MYO3A: variants seen among roughly 807,000 people sequenced by gnomAD.
MYO3A encodes the protein myosin-IIIa.
In MYO3A, 180 loss-of-function variants were observed where a neutral mutation model predicts 192.7. The observed-to-expected ratio is 0.93, with a 90% CI of 0.83 to 1.06. The LOEUF (loss-of-function observed/expected upper bound fraction) is 1.06, where lower values mean the gene tolerates loss of function less well. Among genes scored for constraint, MYO3A ranks in the 50% least tolerant of loss-of-function variants. The pLI, the probability that MYO3A is intolerant of heterozygous loss-of-function variation, is 0.00. For missense variants in MYO3A, 1,896 were observed against 1,905.0 expected (o/e 1.00, Z 0.09); for synonymous variants, 628 against 645.3 (o/e 0.97, Z 0.41).
At chr10:26,101,504 C>T (rs1837449328) in intron 17 of MYO3A, among the ~76,000 whole-genome samples, 1 of 152,170 alleles carries the variant, frequency 6.6e-6, no homozygotes, top group Non-Finnish European at 1.5e-5. Context: ...ATGGTCTTTA[C>T]AATTTGGCAT....
chr10:26,161,221 G>A (rs769584883), intron 26 of MYO3A, among the ~76,000 whole-genome samples: 10 of 152,092 alleles, frequency 6.6e-5, no homozygotes, highest in Non-Finnish European at 1.3e-4. Context: ...GTTCTATGGG[G>A]GTGTAAATAG....
intron 34 of MYO3A, among the ~76,000 whole-genome samples, chr10:26,208,952 T>C (rs980290444): frequency 6.6e-6 from 1 of 152,216 alleles, no homozygotes; most frequent in Non-Finnish European, 1.5e-5. Context: ...CTTAAAATTA[T>C]GGCCACTCCT....
At chr10:26,044,939 C>G (rs1449525967) in intron 10 of MYO3A, among the ~76,000 whole-genome samples, 1 of 152,224 alleles carries the variant, frequency 6.6e-6, no homozygotes, top group African/African-American at 2.4e-5. Context: ...TGCAGAAGGG[C>G]ATGGCATGCC....
rs559124252 is a variant in MYO3A, at chr10:26,118,381, TATTGTTACACTTCTGAAATAC to T, written c.1777-2293_1777-2273del. Among the ~76,000 whole-genome samples, 356 of 152,324 alleles carry T rather than the reference TATTGTTACACTTCTGAAATAC, an allele frequency of 2.3e-3. 3 individuals carry two copies. Among genetic ancestry groups the T allele is most frequent in the Non-Finnish European group, 4.2e-3 (285 of 68,020 alleles). ...TCTACATCTAATATATCAGCATATGTATTGTTACACTTCTGAAATACACCCTACATCCATTTACTTCTTTCC... is the reference window on the plus strand; with the variant it reads ...TCTACATCTAATATATCAGCATATGTACCCTACATCCATTTACTTCTTTCC... On this transcript the variant is annotated intron_variant, in intron 17 of 34. Coordinates refer to ENST00000642920, the MANE Select transcript of MYO3A (RefSeq NM_017433.5).
chr10:26,052,175 T>C (rs916769699), intron 10 of MYO3A, among the ~76,000 whole-genome samples: 2 of 152,214 alleles, frequency 1.3e-5, no homozygotes, highest in Admixed American at 6.5e-5. Context: ...GGTACACAAG[T>C]ACATACATAG....
chr10:25,990,917 G>A (rs1341374148), intron 4 of MYO3A, among the ~76,000 whole-genome samples: 1 of 151,966 alleles, frequency 6.6e-6, no homozygotes, highest in African/African-American at 2.4e-5. Context: ...TATCATTGTT[G>A]GACATTTGGG....
chr10:26,047,347 G>T (rs1395411072), intron 10 of MYO3A, among the ~76,000 whole-genome samples: 7 of 152,006 alleles, frequency 4.6e-5, no homozygotes, highest in Non-Finnish European at 8.8e-5. Context: ...TAACCTAAAG[G>T]GTTATCAAGA....
At chr10:25,951,132 G>A (rs1837185654) in intron 2 of MYO3A, among the ~76,000 whole-genome samples, 1 of 152,050 alleles carries the variant, frequency 6.6e-6, no homozygotes, top group Admixed American at 6.6e-5. Flanking sequence ...ATACAGTAAT[G>A]ATATCAGATA....
At chr10:26,105,597 A>T (rs1837748654) in intron 17 of MYO3A, among the ~76,000 whole-genome samples, 1 of 152,042 alleles carries the variant, frequency 6.6e-6, no homozygotes. Context: ...TATAGACATT[A>T]TATGTTTCTA....
rs1407777102 is a variant in MYO3A at position 26,007,038 on chromosome 10, C to A, written c.508+9780C>A. On this transcript the variant is annotated intron_variant, in intron 6 of 34. Coordinates refer to ENST00000642920, the MANE Select transcript of MYO3A (RefSeq NM_017433.5). Reference sequence around the variant, plus strand: ...CATCAAAAAGCTTATCCACCATGATCAAGTGGGCTTCATCCCTGGGATGCA... The same window carrying A: ...CATCAAAAAGCTTATCCACCATGATAAAGTGGGCTTCATCCCTGGGATGCA... Among the ~76,000 whole-genome samples, 694 of 144,310 alleles carry A rather than the reference C, an allele frequency of 4.8e-3. 5 individuals carry two copies. The highest frequency in any genetic ancestry group is 0.018 in the African/African-American group (637 of 35,114). The allele number at this position is 144,310 out of a possible 152,430, so 94.7% of individuals were successfully genotyped here.
At chr10:26,063,435 T>A (rs1834630571) in intron 10 of MYO3A, among the ~76,000 whole-genome samples, 1 of 152,278 alleles carries the variant, frequency 6.6e-6, no homozygotes, top group Non-Finnish European at 1.5e-5. Flanking sequence ...GTTTTACATT[T>A]TACATTTAGA....
chr10:26,087,732 C>T (rs1200540773), intron 14 of MYO3A, among the ~76,000 whole-genome samples: 4 of 152,212 alleles, frequency 2.6e-5, no homozygotes, highest in African/African-American at 9.6e-5. Flanking sequence ...TACTTCTGAG[C>T]TGTTCTCAGT....
chr10:25,935,485 G>A (rs1040741670), intron 1 of MYO3A, among the ~76,000 whole-genome samples: 1 of 152,160 alleles, frequency 6.6e-6, no homozygotes, highest in Admixed American at 6.5e-5. Context: ...TAATTGTACA[G>A]GTGCACTTAA....
At chr10:25,987,630 G>T (rs1022515492) in intron 4 of MYO3A, among the ~76,000 whole-genome samples, 5 of 152,094 alleles carry the variant, frequency 3.3e-5, no homozygotes, top group Non-Finnish European at 7.4e-5. Context: ...AATTATCAGA[G>T]AAATGCAAAT....
intron 14 of MYO3A, among the ~76,000 whole-genome samples, chr10:26,075,817 GTC>G (rs1029560812): frequency 2.1e-5 from 3 of 144,958 alleles, no homozygotes; most frequent in Non-Finnish European, 4.5e-5. Flanking sequence ...ATATATATAT[GTC>G]TCTCATATAT....
chr10:25,990,282 G>A (rs967782519), intron 4 of MYO3A, among the ~76,000 whole-genome samples: 6 of 151,792 alleles, frequency 4.0e-5, no homozygotes, highest in Admixed American at 2.0e-4. Context: ...GATATTATTT[G>A]TAATACTTAC....
At chr10:26,093,987 A>G (rs1214737111) in intron 15 of MYO3A, among the ~76,000 whole-genome samples, 1 of 152,164 alleles carries the variant, frequency 6.6e-6, no homozygotes, top group Non-Finnish European at 1.5e-5. Context: ...ATGCTAACCA[A>G]TAGCATTGTT....
chr10:26,163,833 A>C (rs1471008632), intron 26 of MYO3A, among the ~76,000 whole-genome samples: 1 of 152,222 alleles, frequency 6.6e-6, no homozygotes, highest in Non-Finnish European at 1.5e-5. Flanking sequence ...GCCTGTGGAC[A>C]GAGCTTAGAA....
chr10:26,159,191 C>G (rs970015180), intron 26 of MYO3A, among the ~76,000 whole-genome samples: 1 of 150,682 alleles, frequency 6.6e-6, no homozygotes, highest in Admixed American at 6.6e-5. Context: ...GGGGTTTCAC[C>G]GTTTTAGCCA....
Sources: gnomAD v4.1 joint callset for allele counts (sites outside exome capture counted in the v4.1 genomes callset) on GRCh38, gnomAD v4.1.1 for gene constraint, MANE v1.5 for transcripts, NCBI Gene and HGNC (gene_info 2026-07-23, HGNC 2026-07-21) for gene names.